STPG2: variants seen among roughly 807,000 people sequenced by gnomAD.
STPG2 encodes sperm-tail PG-rich repeat-containing protein 2.
A neutral mutation model predicts 54.2 loss-of-function variants in STPG2; 56 were observed. The ratio of observed to expected loss-of-function variants is 1.03; its 90% CI spans 0.83 to 1.29. The LOEUF is 1.29. Among genes scored for constraint, STPG2 ranks in the 50% most tolerant of loss-of-function variants. STPG2 has a pLI of 0.00. For missense variants in STPG2, 596 were observed against 544.9 expected (o/e 1.09, Z -0.93); for synonymous variants, 200 against 181.8 (o/e 1.10, Z -0.81).
chr4:97,741,556 C>G (rs1181213168), intron 9 of STPG2, among the ~76,000 whole-genome samples: 1 of 152,012 alleles, frequency 6.6e-6, no homozygotes, highest in Non-Finnish European at 1.5e-5. Context: ...GGGCAAAGGA[C>G]ATGAACAGAC....
intron 4 of STPG2, among the ~76,000 whole-genome samples, chr4:97,537,077 G>A (rs1731549918): frequency 6.6e-6 from 1 of 152,140 alleles, no homozygotes. Context: ...TTCCAAGATG[G>A]CCAAATAGGA....
chr4:97,687,793 C>G (rs897705672), intron 10 of STPG2, among the ~76,000 whole-genome samples: 1 of 151,868 alleles, frequency 6.6e-6, no homozygotes, highest in African/African-American at 2.4e-5. Context: ...TTATATATAA[C>G]ATAAAAGGAA....
At chr4:98,107,651 C>G (rs1739224818) in intron 4 of STPG2, among the ~76,000 whole-genome samples, 1 of 151,970 alleles carries the variant, frequency 6.6e-6, no homozygotes, top group South Asian at 2.1e-4. Context: ...GCCTGGGGTA[C>G]TCAGGCAGAA....
In STPG2 at chr4:97,664,290, A is replaced by AGTT. The variant is rs1461022610; in HGVS notation, c.1320+48408_1320+48409insAAC. ...CTCACTGACATCAGCAGTGGCAGCA[A>AGTT]TACAATTTAAGATTGATTCTGTCTG... On this transcript the variant is annotated intron_variant, in intron 10 of 10. Transcript: ENST00000295268. Among the ~76,000 whole-genome samples the AGTT allele has an allele frequency of 9.2e-5, 14 of 152,348 alleles. No individual in the cohort carries two copies. In the East Asian group the frequency reaches 2.3e-3, roughly 25 times the overall value.
chr4:97,533,730 C>T (rs901658543), intron 4 of STPG2, among the ~76,000 whole-genome samples: 3 of 151,902 alleles, frequency 2.0e-5, no homozygotes, highest in African/African-American at 7.3e-5. Flanking sequence ...CTTTTTATTG[C>T]TGAGTAACCC....
At chr4:97,509,065 T>C (rs1228398124) in intron 4 of STPG2, among the ~76,000 whole-genome samples, 6 of 152,138 alleles carry the variant, frequency 3.9e-5, no homozygotes, top group Non-Finnish European at 7.4e-5. Context: ...TACTCAGAGC[T>C]AAATTCCTGC....
At chr4:97,677,679 C>T (rs1306364843) in intron 10 of STPG2, among the ~76,000 whole-genome samples, 1 of 152,164 alleles carries the variant, frequency 6.6e-6, no homozygotes, top group African/African-American at 2.4e-5. Flanking sequence ...TCCCTCCTGG[C>T]ATATAGAACT....
intron 10 of STPG2, among the ~76,000 whole-genome samples, chr4:97,654,083 G>A (rs190904088): frequency 1.3e-5 from 2 of 152,280 alleles, no homozygotes; most frequent in Admixed American, 1.3e-4. Flanking sequence ...ATGTGAGAAG[G>A]CAGAGTAGCT....
intron 10 of STPG2, among the ~76,000 whole-genome samples, chr4:97,659,150 G>C (rs543142144): frequency 6.6e-6 from 1 of 152,168 alleles, no homozygotes; most frequent in African/African-American, 2.4e-5. Context: ...TTGTTTTGTT[G>C]GAATCACTTC....
At chr4:97,876,829 C>T (rs1578647081) in intron 8 of STPG2, among the ~76,000 whole-genome samples, 1 of 151,860 alleles carries the variant, frequency 6.6e-6, no homozygotes, top group East Asian at 1.9e-4. Flanking sequence ...TGCAAAGAGA[C>T]TCTATGTTTT....
intron 9 of STPG2, among the ~76,000 whole-genome samples, chr4:97,795,296 A>T (rs1047513371): frequency 6.6e-6 from 1 of 152,202 alleles, no homozygotes; most frequent in African/African-American, 2.4e-5. Flanking sequence ...TGCTGCACCC[A>T]ATAACTCGTC....
intron 3 of STPG2, among the ~76,000 whole-genome samples, chr4:98,117,706 T>C: frequency 6.6e-6 from 1 of 152,088 alleles, no homozygotes; most frequent in East Asian, 1.9e-4. Context: ...AATTTTCTTT[T>C]GGGCTCCTCT....
intron 5 of STPG2, among the ~76,000 whole-genome samples, chr4:98,049,644 A>G (rs750136441): frequency 1.3e-5 from 2 of 152,240 alleles, no homozygotes; most frequent in African/African-American, 2.4e-5. Flanking sequence ...TCAAGCATGT[A>G]TCTTGCCTTT....
intron 9 of STPG2, among the ~76,000 whole-genome samples, chr4:97,820,295 C>T (rs1009147810): frequency 2.0e-5 from 3 of 152,114 alleles, no homozygotes; most frequent in African/African-American, 7.2e-5. Flanking sequence ...CCCTCCCCTC[C>T]AGCCTCTCTA....
intron 8 of STPG2, among the ~76,000 whole-genome samples, chr4:97,918,206 A>G (rs1454812279): frequency 1.3e-5 from 2 of 152,196 alleles, no homozygotes; most frequent in East Asian, 3.8e-4. Context: ...ATCTTTTCCA[A>G]CAAAAGGTAA....
chr4:97,893,015 G>C (rs1688937825), intron 8 of STPG2: 1 of 152,142 alleles, frequency 6.6e-6, no homozygotes, highest in South Asian at 2.1e-4. Flanking sequence ...CTGGTGGAAA[G>C]ATCAAATTAT....
intron 8 of STPG2, among the ~76,000 whole-genome samples, chr4:97,923,293 T>TCCCCCCCC (rs1159207413): frequency 2.8e-5 from 4 of 141,082 alleles, no homozygotes; most frequent in African/African-American, 1.1e-4. Context: ...GCGCAGCGCT[T>TCCCCCCCC]CCCCTCCCAC....
chr4:97,463,834 T>C (rs1336320722), intron 4 of STPG2, among the ~76,000 whole-genome samples: 5 of 152,350 alleles, frequency 3.3e-5, no homozygotes, highest in African/African-American at 1.2e-4. Flanking sequence ...TAACACCATA[T>C]GTTTTTTCAG....
At chr4:97,859,291 T>A (rs1168716209) in intron 8 of STPG2, among the ~76,000 whole-genome samples, 1 of 152,160 alleles carries the variant, frequency 6.6e-6, no homozygotes, top group Non-Finnish European at 1.5e-5. Context: ...TGTAGATTCT[T>A]GATATTGGTC....
Sources: gnomAD v4.1 joint callset for allele counts (sites outside exome capture counted in the v4.1 genomes callset) on GRCh38, gnomAD v4.1.1 for gene constraint, MANE v1.5 for transcripts, NCBI Gene and HGNC (gene_info 2026-07-23, HGNC 2026-07-21) for gene names.